The following FBN2 variants were observed in gnomAD, a reference collection of about 807,000 sequenced individuals.
FBN2 encodes fibrillin 2, also known as fibrillin-2.
Under a neutral mutation model 355.6 loss-of-function variants are expected in FBN2, and 105 were observed. The observed-to-expected ratio is 0.30, with a 90% CI of 0.25 to 0.35. The LOEUF (loss-of-function observed/expected upper bound fraction) is 0.35, where lower values mean the gene tolerates loss of function less well. Among genes scored for constraint, FBN2 ranks in the 10% least tolerant of loss-of-function variants. The pLI is 1.00. For synonymous variants in FBN2, 1,350 were observed against 1,301.2 expected, an observed-to-expected ratio of 1.04 and a Z score of -0.81; for missense variants, 3,280 against 3,758.7, an observed-to-expected ratio of 0.87 and a Z score of 3.33.
intron 6 of FBN2, 149 bp downstream of exon 6, chr5:128,464,575 A>G: frequency 1.3e-6 from 1 of 761,150 alleles, no homozygotes; most frequent in Non-Finnish European, 2.2e-6. Flanking sequence ...GCTAAAAGAT[A>G]AACCTTCTCT....
chr5:128,379,010 C>A (rs1465445065), intron 11 of FBN2, 120 bp from the exon 12 acceptor site: 2 of 1,088,542 alleles, frequency 1.8e-6, no homozygotes, highest in Non-Finnish European at 1.4e-6. Context: ...GTCTAAATAG[C>A]GAAGTATTTA....
chr5:128,374,279 A>G (rs1752024343), intron 15 of FBN2, among the ~76,000 whole-genome samples: 1 of 152,178 alleles, frequency 6.6e-6, no homozygotes, highest in Admixed American at 6.5e-5. Flanking sequence ...GCATATTTAC[A>G]GATGTGTTCA....
intron 55 of FBN2, among the ~76,000 whole-genome samples, chr5:128,284,654 G>C (rs2126814656): frequency 6.6e-6 from 1 of 152,232 alleles, no homozygotes; most frequent in East Asian, 1.9e-4. Context: ...CTCTACCCTT[G>C]AGGCACTACA....
intron 6 of FBN2, among the ~76,000 whole-genome samples, chr5:128,458,654 C>A (rs536934969): frequency 6.6e-6 from 1 of 152,186 alleles, no homozygotes; most frequent in South Asian, 2.1e-4. Flanking sequence ...TCAGTCAAAA[C>A]CAGACAATTT....
Position 128,318,833 on chromosome 5 carries a change from T to C in FBN2, c.4594+46A>G, listed in dbSNP as rs773439053. On this transcript the variant is annotated intron_variant, in intron 35 of 64. Coordinates refer to ENST00000262464, the MANE Select transcript of FBN2 (RefSeq NM_001999.4). ...AATTTTTATGCTTAGCACAGAATACTCATTTCAATGAATCAGAACACAACT... is the reference window on the plus strand; with the variant it reads ...AATTTTTATGCTTAGCACAGAATACCCATTTCAATGAATCAGAACACAACT... 31 of 1,595,388 alleles carry C rather than the reference T, an allele frequency of 1.9e-5. No individual in the cohort carries two copies. In the Admixed American group the frequency reaches 4.7e-4, roughly 24 times the overall value.
chr5:128,304,125 T>C (rs1022659429), intron 45 of FBN2, among the ~76,000 whole-genome samples: 2 of 152,196 alleles, frequency 1.3e-5, no homozygotes, highest in South Asian at 2.1e-4. Context: ...ATAGATAATA[T>C]CTTGAATATC....
At chr5:128,369,364 G>T in intron 15 of FBN2, 30 bp from the exon 16 acceptor site, 1 of 1,612,318 alleles carries the variant, frequency 6.2e-7, no homozygotes, top group Non-Finnish European at 8.5e-7. Flanking sequence ...AATGACTTGA[G>T]GCAGTGATAG....
In FBN2 at chr5:128,290,720, C is replaced by T. The variant is rs962652989; in HGVS notation, c.6445+12G>A. ...TACACAAAGTGCTGTCTGATGATGT[C>T]ATTGCTCTTACCTTCATCGTCTTTG... On this transcript the variant is annotated intron_variant, in intron 50 of 64. Coordinates refer to ENST00000262464, the MANE Select transcript of FBN2 (RefSeq NM_001999.4). 4 of 1,613,808 alleles carry T rather than the reference C, an allele frequency of 2.5e-6. No individual in the cohort carries two copies. Among genetic ancestry groups the T allele is most frequent in the Middle Eastern group, 1.7e-4 (1 of 6,060 alleles).
intron 33 of FBN2, 65 bp downstream of exon 33, chr5:128,330,508 A>G: frequency 2.5e-6 from 4 of 1,576,068 alleles, no homozygotes; most frequent in Non-Finnish European, 3.5e-6. Context: ...TTTTCTTCAA[A>G]TAAGGAAGCA....
intron 19 of FBN2, among the ~76,000 whole-genome samples, chr5:128,359,045 A>G (rs1365555178): frequency 6.6e-6 from 1 of 152,092 alleles, no homozygotes; most frequent in African/African-American, 2.4e-5. Flanking sequence ...TTAACTAGTT[A>G]TGTCACTGGA....
intron 48 of FBN2, among the ~76,000 whole-genome samples, chr5:128,298,014 T>C (rs1749578562): frequency 1.3e-5 from 2 of 151,408 alleles, no homozygotes; most frequent in Admixed American, 1.3e-4. Context: ...CTTCAGGAGC[T>C]CTTTTAGGGC....
intron 42 of FBN2, among the ~76,000 whole-genome samples, 158 bp downstream of exon 42, chr5:128,306,977 G>A (rs932806027): frequency 1.3e-5 from 2 of 152,160 alleles, no homozygotes; most frequent in Admixed American, 1.3e-4. Flanking sequence ...TACTTGGTTA[G>A]AGTCTGTAAG....
chr5:128,434,394 G>GTGTATATGTATATATATATATATATATA (rs377404948), intron 7 of FBN2, among the ~76,000 whole-genome samples: 1 of 91,678 alleles, frequency 1.1e-5, no homozygotes, highest in African/African-American at 6.0e-5. Flanking sequence ...AATAAAGTGT[G>GTGTATATGTATATATATATATATATATA]TATATATATA....
intron 19 of FBN2, among the ~76,000 whole-genome samples, chr5:128,359,338 G>A (rs913494940): frequency 6.6e-6 from 1 of 151,990 alleles, no homozygotes; most frequent in Non-Finnish European, 1.5e-5. Context: ...AATTCAGAAA[G>A]AAGAGAATGA....
intron 52 of FBN2, 122 bp from the exon 53 acceptor site, chr5:128,288,679 G>A: frequency 1.8e-6 from 2 of 1,124,346 alleles, no homozygotes; most frequent in Admixed American, 1.7e-5. Context: ...TGTAACCCTG[G>A]CATCCCTTGG....
intron 4 of FBN2, among the ~76,000 whole-genome samples, chr5:128,524,662 T>C (rs570339008): frequency 1.3e-5 from 2 of 152,134 alleles, no homozygotes; most frequent in African/African-American, 2.4e-5. Context: ...CTCTCAGTAT[T>C]GTAACACTCT....
chr5:128,350,879 C>A lies in FBN2; in HGVS notation c.2801G>T (p.Arg934Leu). 2 of 1,614,136 alleles carry A rather than the reference C, an allele frequency of 1.2e-6. No homozygotes were observed. Among genetic ancestry groups the A allele is most frequent in the South Asian group, 1.1e-5 (1 of 91,080 alleles). ...AATAAGGCTCCTACCTAGTTCACAC[C>A]GCTCACAGGGGCTCCCCCAGGCGGC... ...LGAAWGSPCE[R>L]CELDTACPRG... Residue 934 changes from arginine (R) to leucine (L), a missense_variant, in exon 21 of 65, where the codon CGG becomes CTG. Coordinates refer to ENST00000262464, the MANE Select transcript of FBN2 (RefSeq NM_001999.4).
At chr5:128,467,510 T>C (rs551786359) in intron 5 of FBN2, among the ~76,000 whole-genome samples, 2 of 152,224 alleles carry the variant, frequency 1.3e-5, no homozygotes, top group East Asian at 1.9e-4. Context: ...GGTTAAAACA[T>C]CCTGTCCCAG....
Position 128,361,712 on chromosome 5 carries a change from A to G in FBN2, c.2554+11T>C. 1 of 1,614,118 alleles carries G rather than the reference A, an allele frequency of 6.2e-7. No individual in the cohort carries two copies. The highest frequency in any genetic ancestry group is 8.5e-7 in the Non-Finnish European group (1 of 1,179,962). The stretch of plus-strand genomic sequence containing the variant: ...ACTATGCACAAATAAGGCGATGAAG[A>G]CAGCTCTTACCTTCACAGGTCTCTG... On this transcript the variant is annotated intron_variant, in intron 19 of 64. Transcript: ENST00000262464.
Sources: gnomAD v4.1 joint callset for allele counts (sites outside exome capture counted in the v4.1 genomes callset) on GRCh38, gnomAD v4.1.1 for gene constraint, MANE v1.5 for transcripts, NCBI Gene and HGNC (gene_info 2026-07-23, HGNC 2026-07-21) for gene names.